Variants in CFAP20DC observed in about 807,000 individuals in gnomAD.
CFAP20DC encodes the protein protein CFAP20DC.
A neutral mutation model predicts 101.7 loss-of-function variants in CFAP20DC; 84 were observed. The ratio of observed to expected loss-of-function variants is 0.83; its 90% CI spans 0.69 to 0.99. CFAP20DC has a LOEUF of 0.99. CFAP20DC is among the 50% of genes least tolerant of loss of function. CFAP20DC has a pLI of 0.00. For synonymous variants in CFAP20DC, 359 were observed against 351.2 expected, an observed-to-expected ratio of 1.02 and a Z score of -0.25; for missense variants, 1,007 against 970.3, an observed-to-expected ratio of 1.04 and a Z score of -0.50.
intron 4 of CFAP20DC, among the ~76,000 whole-genome samples, chr3:58,945,895 C>T (rs1163380966): frequency 6.6e-6 from 1 of 151,838 alleles, no homozygotes; most frequent in African/African-American, 2.4e-5. Flanking sequence ...TGAGGTTTCA[C>T]CACGTTGGCC....
chr3:58,875,455 T>C (rs1278748525), intron 7 of CFAP20DC, among the ~76,000 whole-genome samples: 3 of 151,996 alleles, frequency 2.0e-5, no homozygotes, highest in Non-Finnish European at 4.4e-5. Flanking sequence ...GTGCGGAGAG[T>C]AATGAAGGGC....
chr3:58,984,816 T>G lies in CFAP20DC; in HGVS notation c.279-47054A>C, dbSNP rs374637367. On this transcript the variant is annotated intron_variant, in intron 4 of 16. Coordinates refer to ENST00000482387, the MANE Select transcript of CFAP20DC (RefSeq NM_001394063.1). ...TGAACTTCTCTGAGGCTTTCTCATT[T>G]ATAAATTATCACTTACAGAGTTTTG... Among the ~76,000 whole-genome samples, 14 of 152,318 alleles carry G rather than the reference T, an allele frequency of 9.2e-5. No homozygotes were observed. The South Asian group carries it at 2.1e-3, about 23-fold the overall frequency.
chr3:58,801,298 C>T (rs1017176533), intron 15 of CFAP20DC, among the ~76,000 whole-genome samples: 1 of 152,078 alleles, frequency 6.6e-6, no homozygotes, highest in African/African-American at 2.4e-5. Flanking sequence ...ACAACTGATG[C>T]CTTTGGTTTC....
rs998612370 is a variant in CFAP20DC at position 58,799,495 on chromosome 3, C to T, written c.2237+6900G>A. Among the ~76,000 whole-genome samples the T allele has an allele frequency of 3.3e-5, 5 of 152,044 alleles. No individual in the cohort carries two copies. The highest frequency in any genetic ancestry group is 6.6e-5 in the Admixed American group (1 of 15,256). On this transcript the variant is annotated intron_variant, in intron 15 of 16. Coordinates refer to ENST00000482387, the MANE Select transcript of CFAP20DC (RefSeq NM_001394063.1). The surrounding 1 kb of genome is among the most constrained non-coding windows in gnomAD (Gnocchi z 4.9). ...CTCCAGCTAGTGGAATACACAGTGA[C>T]GTAGCTAGTGTAGAGAGATGAGGGA...
chr3:58,718,750 C>A, intron 3 of CFAP20DC, among the ~76,000 whole-genome samples: 1 of 152,326 alleles, frequency 6.6e-6, no homozygotes, highest in African/African-American at 2.4e-5. Flanking sequence ...TCTCCCTAAC[C>A]TGGCATTGTG....
chr3:58,966,241 C>T (rs2091514868), intron 4 of CFAP20DC, among the ~76,000 whole-genome samples: 1 of 152,172 alleles, frequency 6.6e-6, no homozygotes, highest in Non-Finnish European at 1.5e-5. Flanking sequence ...CCCTTAAAGC[C>T]AGGGAATGGC....
intron 12 of CFAP20DC, among the ~76,000 whole-genome samples, chr3:58,854,628 C>T (rs2078590402): frequency 6.6e-6 from 1 of 151,972 alleles, no homozygotes; most frequent in African/African-American, 2.4e-5. Context: ...GTACTGGTAC[C>T]AAAACAGAGA....
intron 14 of CFAP20DC, chr3:58,824,470 C>T (rs1376149506): frequency 2.0e-5 from 3 of 152,108 alleles, no homozygotes; most frequent in African/African-American, 7.2e-5. Context: ...GGAGCACAAG[C>T]AGCTTTGCTT....
intron 4 of CFAP20DC, among the ~76,000 whole-genome samples, chr3:58,978,144 G>A (rs1399717419): frequency 6.6e-6 from 1 of 152,106 alleles, no homozygotes; most frequent in East Asian, 1.9e-4. Context: ...GGAAGCATCA[G>A]GCAGCTTCAT....
At chr3:59,012,477 G>A (rs971326398) in intron 4 of CFAP20DC, among the ~76,000 whole-genome samples, 1 of 152,102 alleles carries the variant, frequency 6.6e-6, no homozygotes, top group Non-Finnish European at 1.5e-5. Flanking sequence ...CCTACCAAGA[G>A]TCCAGTGGTT....
intron 4 of CFAP20DC, among the ~76,000 whole-genome samples, chr3:59,031,995 C>G (rs2094004092): frequency 6.6e-6 from 1 of 152,112 alleles, no homozygotes; most frequent in African/African-American, 2.4e-5. Flanking sequence ...AACTGAGGTA[C>G]CCAGCTCATC....
intron 3 of CFAP20DC, among the ~76,000 whole-genome samples, chr3:58,719,862 C>T (rs1387913409): frequency 6.6e-6 from 1 of 152,248 alleles, no homozygotes; most frequent in African/African-American, 2.4e-5. Context: ...GACCACTTGG[C>T]ACTCTGCCCA....
intron 5 of CFAP20DC, among the ~76,000 whole-genome samples, chr3:58,919,833 T>C (rs953862374): frequency 1.3e-5 from 2 of 152,176 alleles, no homozygotes; most frequent in Non-Finnish European, 2.9e-5. Flanking sequence ...CAACTGATTT[T>C]GGTATATTGA....
chr3:58,819,356 G>A (rs1490728590), intron 14 of CFAP20DC, among the ~76,000 whole-genome samples: 1 of 152,044 alleles, frequency 6.6e-6, no homozygotes, highest in Non-Finnish European at 1.5e-5. Context: ...TCCAGGAGCT[G>A]GTTTTTTGAA....
chr3:58,885,375 A>G (rs1367270441), intron 6 of CFAP20DC, among the ~76,000 whole-genome samples: 1 of 152,130 alleles, frequency 6.6e-6, no homozygotes, highest in Non-Finnish European at 1.5e-5. Context: ...ACAAATAGGA[A>G]TTGTACATAT....
chr3:59,012,703 C>T (rs1200367790), intron 4 of CFAP20DC, among the ~76,000 whole-genome samples: 2 of 152,112 alleles, frequency 1.3e-5, no homozygotes. Flanking sequence ...TGGCCTCTTC[C>T]ACCAGACTAC....
At chr3:58,778,952 T>A (rs2071585734) in intron 15 of CFAP20DC, among the ~76,000 whole-genome samples, 1 of 152,156 alleles carries the variant, frequency 6.6e-6, no homozygotes, top group East Asian at 1.9e-4. Context: ...CATAGATACA[T>A]ATTCAGGAAA....
intron 5 of CFAP20DC, among the ~76,000 whole-genome samples, chr3:58,932,880 C>A (rs1017901010): frequency 9.9e-5 from 15 of 152,182 alleles, no homozygotes; most frequent in South Asian, 4.1e-4. Context: ...GAGCAAAATA[C>A]CCAGCTAACA....
chr3:58,756,960 T>A (rs926956812), intron 15 of CFAP20DC, among the ~76,000 whole-genome samples: 1 of 152,136 alleles, frequency 6.6e-6, no homozygotes, highest in Non-Finnish European at 1.5e-5. Flanking sequence ...TTTCACCCTC[T>A]TCTATGTTTG....
Sources: gnomAD v4.1 joint callset for allele counts (sites outside exome capture counted in the v4.1 genomes callset) on GRCh38, gnomAD v4.1.1 for gene constraint, Gnocchi (gnomAD v3.1) non-coding constraint, MANE v1.5 for transcripts, NCBI Gene and HGNC (gene_info 2026-07-23, HGNC 2026-07-21) for gene names.